L3MBTL4: variants seen among roughly 807,000 people sequenced by gnomAD.
L3MBTL4 encodes the protein L3MBTL histone methyl-lysine binding protein 4, also known as lethal(3)malignant brain tumor-like protein 4.
Under a neutral mutation model 84.5 loss-of-function variants are expected in L3MBTL4, and 70 were observed. The observed-to-expected ratio is 0.83, with a 90% CI of 0.68 to 1.01. L3MBTL4 has a LOEUF of 1.01. Ranked by LOEUF, L3MBTL4 falls within the 50% of genes least tolerant of loss-of-function variation. The pLI, the probability that L3MBTL4 is intolerant of heterozygous loss-of-function variation, is 0.00. For missense variants in L3MBTL4, 715 were observed against 754.8 expected, an observed-to-expected ratio of 0.95 and a Z score of 0.62; for synonymous variants, 274 against 259.8, an observed-to-expected ratio of 1.05 and a Z score of -0.52.
chr18:6,360,243 G>A (rs550611050), intron 1 of L3MBTL4, among the ~76,000 whole-genome samples: 1 of 152,228 alleles, frequency 6.6e-6, no homozygotes, highest in Admixed American at 6.5e-5. Context: ...GTGGAGGTGT[G>A]CACTGTAGTC....
At chr18:6,076,134 CAT>C (rs2057848715) in intron 16 of L3MBTL4, among the ~76,000 whole-genome samples, 1 of 152,188 alleles carries the variant, frequency 6.6e-6, no homozygotes, top group Non-Finnish European at 1.5e-5. Context: ...AAATTCCACT[CAT>C]AGATATTTAT....
intron 16 of L3MBTL4, among the ~76,000 whole-genome samples, chr18:6,044,034 AG>A (rs2056514889): frequency 6.6e-6 from 1 of 152,194 alleles, no homozygotes; most frequent in African/African-American, 2.4e-5. Flanking sequence ...GCTGAGCAAA[AG>A]ACTTGAGTAA....
At chr18:6,065,455 A>G (rs1252461934) in intron 16 of L3MBTL4, among the ~76,000 whole-genome samples, 1 of 152,040 alleles carries the variant, frequency 6.6e-6, no homozygotes, top group Admixed American at 6.6e-5. Flanking sequence ...GGTAGACTTC[A>G]GCTGTAAATC....
intron 1 of L3MBTL4, among the ~76,000 whole-genome samples, chr18:6,403,911 C>G (rs1426101050): frequency 2.0e-5 from 3 of 152,206 alleles, no homozygotes; most frequent in African/African-American, 7.2e-5. Context: ...GAATACTACT[C>G]AGCCATAAAA....
At chr18:6,410,302 C>T (rs1199638572) in intron 1 of L3MBTL4, among the ~76,000 whole-genome samples, 1 of 152,244 alleles carries the variant, frequency 6.6e-6, no homozygotes, top group African/African-American at 2.4e-5. Flanking sequence ...TTCTGGCCCA[C>T]AAATCTGCAT....
intron 5 of L3MBTL4, among the ~76,000 whole-genome samples, chr18:6,255,779 C>CAAAAAAAAAAAAAAAAAA (rs80253863): frequency 1.5e-5 from 1 of 66,172 alleles, no homozygotes; most frequent in Non-Finnish European, 3.6e-5. Flanking sequence ...ATATAAAAGG[C>CAAAAAAAAAAAAAAAAAA]AAAAAAAAAA....
At chr18:5,961,778 G>A (rs1353239767) in intron 17 of L3MBTL4, among the ~76,000 whole-genome samples, 1 of 152,114 alleles carries the variant, frequency 6.6e-6, no homozygotes, top group African/African-American at 2.4e-5. Flanking sequence ...GGCTAATACA[G>A]TTTTCTTGTT....
chr18:6,322,504 A>AGG lies in L3MBTL4; in HGVS notation c.-90-10449_-90-10448insCC, dbSNP rs71163271. Among the ~76,000 whole-genome samples, 1,319 of 141,460 alleles carry AGG rather than the reference A, an allele frequency of 9.3e-3. 9 individuals carry two copies. Among genetic ancestry groups the AGG allele is most frequent in the Middle Eastern group, 0.018 (5 of 284 alleles). 92.8% of individuals were successfully genotyped at this position (141,460 alleles called of 152,430 possible). The stretch of plus-strand genomic sequence containing the variant: ...AAGGAAGGAAGGAAGGAAGGAAGGA[A>AGG]AGAAGGAAAAAAAAAACAAACAAAC... On this transcript the variant is annotated intron_variant, in intron 1 of 18. Transcript: ENST00000317931.
chr18:6,380,198 C>A (rs1416761951), intron 1 of L3MBTL4, among the ~76,000 whole-genome samples: 4 of 151,866 alleles, frequency 2.6e-5, no homozygotes, highest in African/African-American at 9.7e-5. Flanking sequence ...CTATTTGATT[C>A]TTCTCTCTTG....
intron 17 of L3MBTL4, among the ~76,000 whole-genome samples, chr18:5,967,974 T>C (rs2052437255): frequency 6.6e-6 from 1 of 152,228 alleles, no homozygotes; most frequent in Non-Finnish European, 1.5e-5. Context: ...ATCTGGACTC[T>C]GTTGCTCTGC....
chr18:6,198,951 G>A (rs189398549), intron 12 of L3MBTL4, among the ~76,000 whole-genome samples: 21 of 152,102 alleles, frequency 1.4e-4, no homozygotes, highest in African/African-American at 4.1e-4. Flanking sequence ...TTTCAAGCTC[G>A]GAAATTAATC....
rs911443408 is a variant in L3MBTL4 at position 5,979,508 on chromosome 18, C to T, written c.1445-9946G>A. Among the ~76,000 whole-genome samples the T allele has an allele frequency of 3.9e-5, 6 of 152,184 alleles. No individual in the cohort carries two copies. In the South Asian group the frequency reaches 1.2e-3, roughly 32 times the overall value. ...CCAAGTGACTTCATGAAGGATGGTG[C>T]TATTAGCCCTCTCTGACAGATAACA... On this transcript the variant is annotated intron_variant, in intron 16 of 18. Coordinates refer to ENST00000317931, the MANE Select transcript of L3MBTL4 (RefSeq NM_001330559.2).
rs191088752 is a variant in L3MBTL4 at position 6,009,513 on chromosome 18, T to C, written c.1445-39951A>G. On this transcript the variant is annotated intron_variant, in intron 16 of 18. Transcript: ENST00000317931. ...AGGCCAGTTTTAGTACCACTGCCCCTTGGTATTCATGGGGAAATTGGTTCC... is the reference window on the plus strand; with the variant it reads ...AGGCCAGTTTTAGTACCACTGCCCCCTGGTATTCATGGGGAAATTGGTTCC... 8.5e-5 allele frequency among the ~76,000 whole-genome samples: 13 copies of C among 152,278 alleles called. No individual in the cohort carries two copies. The East Asian group carries it at 1.7e-3, about 20-fold the overall frequency.
chr18:6,215,883 T>A (rs1485064897), intron 10 of L3MBTL4, 48 bp from the exon 11 acceptor site: 1 of 1,061,026 alleles, frequency 9.4e-7, no homozygotes, highest in Non-Finnish European at 1.4e-6. Flanking sequence ...ATAGATATTC[T>A]GATTCCCGTA....
intron 14 of L3MBTL4, among the ~76,000 whole-genome samples, chr18:6,098,316 G>A (rs1311120623): frequency 6.6e-6 from 1 of 152,150 alleles, no homozygotes; most frequent in East Asian, 1.9e-4. Flanking sequence ...TGACCAGGGG[G>A]CCCTGGGGCA....
intron 16 of L3MBTL4, among the ~76,000 whole-genome samples, chr18:5,974,578 C>A (rs551224234): frequency 2.6e-5 from 4 of 152,192 alleles, no homozygotes; most frequent in Non-Finnish European, 5.9e-5. Flanking sequence ...TTGTGGACAG[C>A]GTGTGACCTA....
intron 16 of L3MBTL4, among the ~76,000 whole-genome samples, chr18:6,023,349 T>G (rs2055356348): frequency 6.6e-6 from 1 of 152,178 alleles, no homozygotes; most frequent in Admixed American, 6.5e-5. Flanking sequence ...AAGAAAGTCC[T>G]ATTTTTTTTA....
At chr18:6,189,137 T>A (rs1172969967) in intron 12 of L3MBTL4, among the ~76,000 whole-genome samples, 1 of 152,192 alleles carries the variant, frequency 6.6e-6, no homozygotes, top group East Asian at 1.9e-4. Flanking sequence ...GTTTCCTGGC[T>A]TCACATTGCA....
At position 6,070,479 on chromosome 18, in the gene L3MBTL4, A is replaced by T. The variant is rs2057548192; in HGVS notation, c.1444+10402T>A. On this transcript the variant is annotated intron_variant, in intron 16 of 18. Coordinates refer to ENST00000317931, the MANE Select transcript of L3MBTL4 (RefSeq NM_001330559.2). ...AATATTCTTCAAAAGTTTGGGTGAA[A>T]AAAGGATATTTCTGGACAAAGAAAA... 2.0e-5 allele frequency among the ~76,000 whole-genome samples: 3 copies of T among 151,664 alleles called. No individual in the cohort carries two copies. In the South Asian group the frequency reaches 6.2e-4, roughly 32 times the overall value.
Sources: gnomAD v4.1 joint callset for allele counts (sites outside exome capture counted in the v4.1 genomes callset) on GRCh38, gnomAD v4.1.1 for gene constraint, MANE v1.5 for transcripts, NCBI Gene and HGNC (gene_info 2026-07-23, HGNC 2026-07-21) for gene names.